Variants in PRKG1 observed in about 807,000 individuals in gnomAD.
PRKG1 encodes the protein cGMP-dependent protein kinase 1.
In PRKG1, 35 loss-of-function variants were observed where a neutral mutation model predicts 88.1. The observed-to-expected ratio is 0.40, with a 90% confidence interval of 0.30 to 0.53. PRKG1 has a LOEUF of 0.53. Among genes scored for constraint, PRKG1 ranks in the 20% least tolerant of loss-of-function variants. The probability of loss-of-function intolerance (pLI) is 0.59; values close to 1 mark genes in which losing one functional copy is unlikely to be tolerated. For synonymous variants in PRKG1, 303 were observed against 292.5 expected, an observed-to-expected ratio of 1.04 and a Z score of -0.37; for missense variants, 540 against 839.8, an observed-to-expected ratio of 0.64 and a Z score of 4.41.
At chr10:51,736,152 G>A (rs1837274656) in intron 3 of PRKG1, among the ~76,000 whole-genome samples, 1 of 151,652 alleles carries the variant, frequency 6.6e-6, no homozygotes, top group African/African-American at 2.4e-5. Context: ...TTGGCTTCCT[G>A]AAGTGCTGAG....
intron 1 of PRKG1, among the ~76,000 whole-genome samples, chr10:51,000,744 T>G (rs1247581585): frequency 2.0e-5 from 3 of 147,900 alleles, no homozygotes; most frequent in African/African-American, 5.0e-5. Context: ...AGTTCATAGA[T>G]TTTTTTTTTT....
intron 2 of PRKG1, chr10:51,306,713 G>A (rs566411582): frequency 1.3e-5 from 2 of 152,210 alleles, no homozygotes; most frequent in South Asian, 2.1e-4. Context: ...CAGGATTCAC[G>A]ACCAACTCAT....
intron 3 of PRKG1, among the ~76,000 whole-genome samples, chr10:51,790,850 T>C (rs917637239): frequency 1.3e-5 from 2 of 152,186 alleles, no homozygotes; most frequent in African/African-American, 4.8e-5. Context: ...TAAAATGTTA[T>C]GGTTCAATTG....
chr10:51,134,316 C>G (rs1405717125), intron 1 of PRKG1, among the ~76,000 whole-genome samples: 2 of 152,168 alleles, frequency 1.3e-5, no homozygotes, highest in African/African-American at 4.8e-5. Flanking sequence ...AACCTGTATT[C>G]TCACTGTGGT....
At chr10:51,019,909 C>G (rs1843114785) in intron 1 of PRKG1, among the ~76,000 whole-genome samples, 1 of 151,998 alleles carries the variant, frequency 6.6e-6, no homozygotes, top group South Asian at 2.1e-4. Flanking sequence ...CTAAACATCA[C>G]TAGCCATTAG....
intron 3 of PRKG1, among the ~76,000 whole-genome samples, chr10:51,735,867 A>ATG (rs1352885555): frequency 7.9e-5 from 8 of 101,048 alleles, no homozygotes; most frequent in African/African-American, 3.3e-4. Flanking sequence ...ATATATATAT[A>ATG]TATATATATA....
At chr10:51,455,455 A>G (rs1839559416) in intron 2 of PRKG1, among the ~76,000 whole-genome samples, 1 of 152,166 alleles carries the variant, frequency 6.6e-6, no homozygotes, top group Non-Finnish European at 1.5e-5. Context: ...TTCCTATCGC[A>G]TAGTCAGGGT....
intron 5 of PRKG1, among the ~76,000 whole-genome samples, chr10:51,939,432 C>A (rs1842859763): frequency 6.6e-6 from 1 of 151,884 alleles, no homozygotes; most frequent in Non-Finnish European, 1.5e-5. Flanking sequence ...CAATTGATTA[C>A]AACCCTGAAC....
Position 51,710,583 on chromosome 10 carries a change from A to T in PRKG1, c.593-94002A>T, listed in dbSNP as rs150977643. On this transcript the variant is annotated intron_variant, in intron 3 of 17. Transcript: ENST00000373980. ...CAGGCCATTGATTCATTGAGCAGCT[A>T]ATGGTCCTTTCACGACCAGAGTTCT... 1.3e-3 allele frequency among the ~76,000 whole-genome samples: 202 copies of T among 152,344 alleles called. 1 individual carries two copies. Among genetic ancestry groups the T allele is most frequent in the Non-Finnish European group, 2.3e-3 (157 of 68,030 alleles).
chr10:51,272,561 A>G (rs1246694279), intron 2 of PRKG1, among the ~76,000 whole-genome samples: 1 of 152,050 alleles, frequency 6.6e-6, no homozygotes, highest in African/African-American at 2.4e-5. Context: ...TTAAGGTTAT[A>G]AAGAAATGTA....
At chr10:51,331,734 TC>T (rs1281867309) in intron 2 of PRKG1, among the ~76,000 whole-genome samples, 2 of 152,232 alleles carry the variant, frequency 1.3e-5, no homozygotes, top group Non-Finnish European at 2.9e-5. Context: ...TCAATGCTTC[TC>T]CTGGGGCAAG....
intron 5 of PRKG1, among the ~76,000 whole-genome samples, chr10:51,923,993 A>C (rs993238539): frequency 1.6e-4 from 24 of 151,840 alleles, no homozygotes; most frequent in African/African-American, 5.1e-4. Context: ...ACACCCAGCT[A>C]ATTTTTAAAT....
intron 4 of PRKG1, among the ~76,000 whole-genome samples, chr10:51,824,404 C>T (rs1261705302): frequency 6.6e-6 from 1 of 151,774 alleles, no homozygotes; most frequent in Non-Finnish European, 1.5e-5. Flanking sequence ...GTTATTTTAA[C>T]TTTTTTCATC....
At chr10:51,676,449 G>C (rs954097848) in intron 3 of PRKG1, among the ~76,000 whole-genome samples, 4 of 134,348 alleles carry the variant, frequency 3.0e-5, no homozygotes, top group South Asian at 2.3e-4. Flanking sequence ...GTTTCAAAAA[G>C]TCACCAATGC....
At chr10:51,806,792 T>C (rs1337627295) in intron 4 of PRKG1, among the ~76,000 whole-genome samples, 1 of 151,918 alleles carries the variant, frequency 6.6e-6, no homozygotes, top group Admixed American at 6.6e-5. Context: ...AACAGTGAGG[T>C]TTTTCAGCCT....
intron 9 of PRKG1, among the ~76,000 whole-genome samples, chr10:52,223,407 C>A (rs1840301001): frequency 6.6e-6 from 1 of 152,116 alleles, no homozygotes; most frequent in Non-Finnish European, 1.5e-5. Flanking sequence ...GGTACTAGAA[C>A]CCCATATTCT....
intron 17 of PRKG1, among the ~76,000 whole-genome samples, chr10:52,293,381 T>C (rs546182259): frequency 6.6e-6 from 1 of 151,456 alleles, no homozygotes; most frequent in Non-Finnish European, 1.5e-5. Flanking sequence ...AAGCTACCAA[T>C]GACTTTCTTC....
intron 9 of PRKG1, among the ~76,000 whole-genome samples, chr10:52,240,309 GA>G (rs973975318): frequency 1.3e-5 from 2 of 151,974 alleles, no homozygotes; most frequent in Admixed American, 1.3e-4. Context: ...CTAATCATGA[GA>G]AAAACATCAG....
chr10:52,247,536 A>G (rs1484275706), intron 9 of PRKG1, among the ~76,000 whole-genome samples: 1 of 152,200 alleles, frequency 6.6e-6, no homozygotes, highest in East Asian at 1.9e-4. Flanking sequence ...ATCAATTCTA[A>G]AGAAAACAGA....
Sources: gnomAD v4.1 joint callset for allele counts (sites outside exome capture counted in the v4.1 genomes callset) on GRCh38, gnomAD v4.1.1 for gene constraint, MANE v1.5 for transcripts, NCBI Gene and HGNC (gene_info 2026-07-23, HGNC 2026-07-21) for gene names.